NLGN1: variants seen among roughly 807,000 people sequenced by gnomAD.
NLGN1 encodes neuroligin-1.
NLGN1 carries 12 observed loss-of-function variants against 65.5 expected under a neutral mutation model. The ratio of observed to expected loss-of-function variants is 0.18; its 90% CI spans 0.12 to 0.30. The LOEUF (loss-of-function observed/expected upper bound fraction) is 0.30. Among genes scored for constraint, NLGN1 ranks in the 10% least tolerant of loss-of-function variants. The probability of loss-of-function intolerance (pLI) is 1.00; values close to 1 mark genes in which losing one functional copy is unlikely to be tolerated. For synonymous variants in NLGN1, 350 were observed against 359.5 expected (o/e 0.97, Z 0.30); for missense variants, 750 against 1,007.1 (o/e 0.74, Z 3.46).
intron 4 of NLGN1, among the ~76,000 whole-genome samples, chr3:173,955,327 A>C (rs1319339870): frequency 6.6e-6 from 1 of 152,192 alleles, no homozygotes; most frequent in African/African-American, 2.4e-5. Context: ...AGGGAGAAAA[A>C]AATAAAGAAT....
At chr3:173,603,140 A>G (rs574444853) in intron 2 of NLGN1, among the ~76,000 whole-genome samples, 9 of 152,120 alleles carry the variant, frequency 5.9e-5, no homozygotes, top group Non-Finnish European at 7.4e-5. Flanking sequence ...TTCTTTAGCA[A>G]TCTTCCCATA....
intron 2 of NLGN1, among the ~76,000 whole-genome samples, chr3:173,539,679 C>CATATGCACATAT (rs1446580324): frequency 1.2e-5 from 1 of 80,038 alleles, no homozygotes; most frequent in African/African-American, 7.9e-5. Context: ...ACATATATAA[C>CATATGCACATAT]ATACATATAT....
intron 3 of NLGN1, among the ~76,000 whole-genome samples, chr3:173,707,044 C>T (rs1768151383): frequency 6.6e-6 from 1 of 152,242 alleles, no homozygotes; most frequent in Non-Finnish European, 1.5e-5. Context: ...CTTATACACT[C>T]CTATAACATT....
chr3:173,539,668 C>CATATATAACATATATGTATATATGT (rs1560406286), intron 2 of NLGN1, among the ~76,000 whole-genome samples: 3 of 66,052 alleles, frequency 4.5e-5, no homozygotes, highest in Admixed American at 1.9e-4. Flanking sequence ...TGTATATATG[C>CATATATAACATATATGTATATATGT]ACATATATAA....
chr3:174,127,052 AAT>A lies in NLGN1; in HGVS notation c.647-148260_647-148259del, dbSNP rs563220302. ...TTTTTTCCAAAAATGTCATGGGGAT[AAT>A]ATGATTTTATAGGTTATGTTTGACA... On this transcript the variant is annotated intron_variant, in intron 4 of 6. Coordinates refer to ENST00000457714, the Ensembl canonical transcript of NLGN1. Among the ~76,000 whole-genome samples, 203 of 152,232 alleles carry A rather than the reference AAT, an allele frequency of 1.3e-3. 1 individual carries two copies. The highest frequency in any genetic ancestry group is 2.7e-3 in the South Asian group (13 of 4,822).
At chr3:173,757,432 G>A (rs1318937611) in intron 3 of NLGN1, among the ~76,000 whole-genome samples, 2 of 151,958 alleles carry the variant, frequency 1.3e-5, no homozygotes, top group Non-Finnish European at 2.9e-5. Context: ...AAGAAACATA[G>A]GTGATGGTGG....
intron 4 of NLGN1, among the ~76,000 whole-genome samples, chr3:174,223,594 G>A (rs1027197286): frequency 2.0e-5 from 3 of 152,130 alleles, no homozygotes; most frequent in Admixed American, 6.5e-5. Flanking sequence ...AGTGTGTGCA[G>A]CTGAATGTCT....
At chr3:173,768,429 A>G (rs1299750451) in intron 3 of NLGN1, among the ~76,000 whole-genome samples, 2 of 152,120 alleles carry the variant, frequency 1.3e-5, no homozygotes, top group South Asian at 2.1e-4. Flanking sequence ...CCTCTCCCCA[A>G]TCACAGTAAA....
chr3:173,699,018 A>G (rs1425243847), intron 3 of NLGN1, among the ~76,000 whole-genome samples: 1 of 151,992 alleles, frequency 6.6e-6, no homozygotes, highest in Non-Finnish European at 1.5e-5. Flanking sequence ...CACCTTGCCC[A>G]GCTAATTTTG....
chr3:174,198,263 A>C (rs996641560), intron 4 of NLGN1, among the ~76,000 whole-genome samples: 1 of 152,226 alleles, frequency 6.6e-6, no homozygotes, highest in Non-Finnish European at 1.5e-5. Context: ...GTTTTATTTT[A>C]CTAAAGCAGA....
chr3:174,182,255 C>G (rs75370179), intron 4 of NLGN1, among the ~76,000 whole-genome samples: 5,537 of 152,160 alleles, frequency 0.036, 260 homozygotes, highest in African/African-American at 0.11. Flanking sequence ...CCTCTTAACT[C>G]GTCTCCCAGT....
intron 4 of NLGN1, among the ~76,000 whole-genome samples, chr3:174,089,933 G>A (rs576527882): frequency 2.6e-5 from 4 of 151,304 alleles, no homozygotes; most frequent in African/African-American, 7.3e-5. Context: ...TTTGGCAGAC[G>A]TAGGTTTTAG....
intron 2 of NLGN1, among the ~76,000 whole-genome samples, chr3:173,479,250 A>G (rs559751944): frequency 1.4e-4 from 22 of 152,212 alleles, no homozygotes; most frequent in African/African-American, 5.1e-4. Context: ...ACAGGTGGCT[A>G]TATGTGTGGC....
chr3:173,801,023 G>C (rs1715364939), intron 3 of NLGN1, among the ~76,000 whole-genome samples: 1 of 151,844 alleles, frequency 6.6e-6, no homozygotes, highest in Non-Finnish European at 1.5e-5. Flanking sequence ...AGAGTCTGTA[G>C]CTATTTTCTT....
At chr3:173,949,417 C>T (rs184939046) in intron 4 of NLGN1, among the ~76,000 whole-genome samples, 3 of 152,132 alleles carry the variant, frequency 2.0e-5, no homozygotes, top group Admixed American at 6.5e-5. Flanking sequence ...TATCTTCTTA[C>T]GTGATTTGGG....
intron 4 of NLGN1, among the ~76,000 whole-genome samples, chr3:174,172,925 A>T (rs1561214580): frequency 6.6e-6 from 1 of 152,100 alleles, no homozygotes; most frequent in Non-Finnish European, 1.5e-5. Context: ...ACATTTTGAT[A>T]ACAATTTTTC....
chr3:173,591,530 CA>C (rs959267048), intron 2 of NLGN1, among the ~76,000 whole-genome samples: 1 of 152,120 alleles, frequency 6.6e-6, no homozygotes, highest in Non-Finnish European at 1.5e-5. Flanking sequence ...CCAATTCCAG[CA>C]AAAGCCTGGG....
intron 4 of NLGN1, among the ~76,000 whole-genome samples, chr3:174,149,067 G>C (rs189044399): frequency 6.6e-6 from 1 of 152,254 alleles, no homozygotes; most frequent in Admixed American, 6.5e-5. Context: ...AAAACATGGT[G>C]AACAAGGAAG....
chr3:173,648,568 CTTTTT>C (rs1460445083), intron 3 of NLGN1, among the ~76,000 whole-genome samples: 1 of 151,834 alleles, frequency 6.6e-6, no homozygotes, highest in Non-Finnish European at 1.5e-5. Context: ...TCTTCTTTTT[CTTTTT>C]TCTTTCTTTC....
Sources: gnomAD v4.1 joint callset for allele counts (sites outside exome capture counted in the v4.1 genomes callset) on GRCh38, gnomAD v4.1.1 for gene constraint, MANE v1.5 for transcripts, NCBI Gene and HGNC (gene_info 2026-07-23, HGNC 2026-07-21) for gene names.